SAMTOR: variants seen among roughly 807,000 people sequenced by gnomAD.
The protein encoded by SAMTOR is UPF0532 protein C7orf60.
At chr7:112,928,770 T>C in the SAMTOR span, among the ~76,000 whole-genome samples, 3 of 152,094 alleles carry the variant, frequency 2.0e-5, no homozygotes, top group African/African-American at 7.2e-5. Context: ...ATAATTTCAA[T>C]GTCATTTTTC....
At chr7:112,858,496 T>A in the SAMTOR span, among the ~76,000 whole-genome samples, 1 of 148,950 alleles carries the variant, frequency 6.7e-6, no homozygotes, top group Non-Finnish European at 1.5e-5. Flanking sequence ...TTTTTTAAAT[T>A]CTATAATTTT....
the SAMTOR span, chr7:112,820,128 C>A: frequency 1.3e-5 from 2 of 152,468 alleles, no homozygotes; most frequent in African/African-American, 4.8e-5. Context: ...AATCAACTGA[C>A]TTTAAAAAAT....
chr7:112,870,808 TAC>T, the SAMTOR span, among the ~76,000 whole-genome samples: 309 of 147,852 alleles, frequency 2.1e-3, 2 homozygotes, highest in Middle Eastern at 7.0e-3. Context: ...TCACATGTAA[TAC>T]ACAGTCTCAA....
the SAMTOR span, among the ~76,000 whole-genome samples, chr7:112,845,804 T>C: frequency 1.1e-4 from 17 of 152,284 alleles, no homozygotes; most frequent in South Asian, 2.1e-4. Flanking sequence ...TGCAGCACTA[T>C]TGACAGTAGC....
chr7:112,917,152 A>C, the SAMTOR span, among the ~76,000 whole-genome samples: 8 of 152,348 alleles, frequency 5.3e-5, no homozygotes, highest in Admixed American at 2.0e-4. Context: ...TGCCTCCTCA[A>C]GTGGGTCCCT....
At chr7:112,923,830 T>G in the SAMTOR span, among the ~76,000 whole-genome samples, 6 of 152,294 alleles carry the variant, frequency 3.9e-5, no homozygotes, top group Middle Eastern at 6.8e-3. Context: ...TAAGAAAATG[T>G]GGCACATATA....
the SAMTOR span, among the ~76,000 whole-genome samples, chr7:112,843,771 G>T: frequency 6.6e-6 from 1 of 151,922 alleles, no homozygotes; most frequent in African/African-American, 2.4e-5. Context: ...GAGGAGGAGG[G>T]ACTCCTCCCC....
At chr7:112,854,660 A>G in the SAMTOR span, among the ~76,000 whole-genome samples, 1 of 152,202 alleles carries the variant, frequency 6.6e-6, no homozygotes, top group South Asian at 2.1e-4. Flanking sequence ...TGTATGGTTA[A>G]GGAACTTAAT....
the SAMTOR span, among the ~76,000 whole-genome samples, chr7:112,835,984 C>T: frequency 3.9e-5 from 6 of 152,060 alleles, no homozygotes; most frequent in Non-Finnish European, 7.4e-5. Context: ...GATTTATAGT[C>T]CCTTGGGTGT....
chr7:112,860,632 G>A, the SAMTOR span, among the ~76,000 whole-genome samples: 3 of 151,970 alleles, frequency 2.0e-5, no homozygotes, highest in Admixed American at 6.6e-5. Flanking sequence ...GCCAGGCGCC[G>A]TGGCTCACGC....
the SAMTOR span, chr7:112,939,714 C>A: frequency 1.2e-6 from 2 of 1,609,312 alleles, no homozygotes; most frequent in Non-Finnish European, 1.7e-6. Context: ...GCCCTCTGCG[C>A]ACGAGCAGTA....
At chr7:112,838,732 T>C in the SAMTOR span, among the ~76,000 whole-genome samples, 1 of 151,922 alleles carries the variant, frequency 6.6e-6, no homozygotes, top group East Asian at 1.9e-4. Flanking sequence ...TCTTGATGGG[T>C]AATATTCTAA....
chr7:112,888,958 A>C, the SAMTOR span, among the ~76,000 whole-genome samples: 1 of 152,194 alleles, frequency 6.6e-6, no homozygotes, highest in Non-Finnish European at 1.5e-5. Context: ...TTATATTTAG[A>C]CACAAACAGT....
At chr7:112,921,691 CT>C in the SAMTOR span, among the ~76,000 whole-genome samples, 1 of 141,530 alleles carries the variant, frequency 7.1e-6, no homozygotes, top group African/African-American at 2.7e-5. Context: ...TTTTCGCAAC[CT>C]ACTCATCTGA....
At chr7:112,909,348 T>C in the SAMTOR span, among the ~76,000 whole-genome samples, 14 of 152,142 alleles carry the variant, frequency 9.2e-5, no homozygotes, top group African/African-American at 3.4e-4. Context: ...CAGAGGCAGG[T>C]GTAAATGAAG....
the SAMTOR span, among the ~76,000 whole-genome samples, chr7:112,835,944 G>GT: frequency 6.6e-6 from 1 of 152,008 alleles, no homozygotes; most frequent in African/African-American, 2.4e-5. Context: ...CGTGATGAAC[G>GT]TATGTGTGCA....
At chr7:112,821,725 G>A in the SAMTOR span, 6 of 1,561,754 alleles carry the variant, frequency 3.8e-6, no homozygotes, top group Non-Finnish European at 5.2e-6. Flanking sequence ...TGGACTGAAA[G>A]GGGCTTTTTG....
chr7:112,864,294 T>C, the SAMTOR span, among the ~76,000 whole-genome samples: 1 of 152,152 alleles, frequency 6.6e-6, no homozygotes, highest in African/African-American at 2.4e-5. Flanking sequence ...CTAGGCTTAA[T>C]ACCTGGGTGA....
the SAMTOR span, among the ~76,000 whole-genome samples, chr7:112,831,301 TTATC>T: frequency 6.6e-6 from 1 of 152,152 alleles, no homozygotes; most frequent in Non-Finnish European, 1.5e-5. Context: ...TACTTTAGAG[TTATC>T]TATCTTTAAA....
Sources: gnomAD v4.1 joint callset for allele counts (sites outside exome capture counted in the v4.1 genomes callset) on GRCh38, gnomAD v4.1.1 for gene constraint, MANE v1.5 for transcripts, NCBI Gene and HGNC (gene_info 2026-07-23, HGNC 2026-07-21) for gene names.